Variants in NECAB1 observed in about 807,000 individuals in gnomAD.
NECAB1 encodes the protein N-terminal EF-hand calcium-binding protein 1.
In NECAB1, 29 loss-of-function variants were observed where a neutral mutation model predicts 57.5. The observed-to-expected ratio is 0.50, with a 90% CI of 0.38 to 0.69. The LOEUF (loss-of-function observed/expected upper bound fraction) is 0.69, where lower values mean the gene tolerates loss of function less well. NECAB1 is among the 30% of genes least tolerant of loss of function. The pLI is 0.00. For missense variants in NECAB1, 372 were observed against 413.8 expected, an observed-to-expected ratio of 0.90 and a Z score of 0.88; for synonymous variants, 142 against 147.7, an observed-to-expected ratio of 0.96 and a Z score of 0.28.
At chr8:90,884,011 G>A (rs940823955) in intron 5 of NECAB1, among the ~76,000 whole-genome samples, 2 of 152,100 alleles carry the variant, frequency 1.3e-5, no homozygotes, top group African/African-American at 4.8e-5. Flanking sequence ...TATTAGTAGG[G>A]CTTAAAAGGA....
intron 3 of NECAB1, among the ~76,000 whole-genome samples, chr8:90,847,979 C>T (rs1812600709): frequency 1.3e-5 from 2 of 152,208 alleles, no homozygotes; most frequent in Admixed American, 6.5e-5. Flanking sequence ...ACATTTGGCT[C>T]CTTGTTACTT....
At chr8:90,847,380 G>T (rs1016808056) in intron 3 of NECAB1, among the ~76,000 whole-genome samples, 1 of 152,226 alleles carries the variant, frequency 6.6e-6, no homozygotes, top group African/African-American at 2.4e-5. Context: ...GCAGGGTACA[G>T]CCCCCTCCCA....
At position 90,827,267 on chromosome 8, in the gene NECAB1, T is replaced by C. The variant is rs899962619; in HGVS notation, c.233+2442T>C. Reference sequence around the variant, plus strand: ...CATATCCCTGACCACTCTAATTTAATCAAGAGTACAGCCTGGCCTGAAGGA... The same window carrying C: ...CATATCCCTGACCACTCTAATTTAACCAAGAGTACAGCCTGGCCTGAAGGA... On this transcript the variant is annotated intron_variant, in intron 3 of 12. Coordinates refer to ENST00000417640, the MANE Select transcript of NECAB1 (RefSeq NM_022351.5). Among the ~76,000 whole-genome samples the C allele has an allele frequency of 2.1e-4, 32 of 152,028 alleles. 1 individual carries two copies.
intron 5 of NECAB1, among the ~76,000 whole-genome samples, chr8:90,901,396 C>T (rs974064534): frequency 6.6e-6 from 1 of 152,130 alleles, no homozygotes; most frequent in South Asian, 2.1e-4. Flanking sequence ...AATCAAGAGC[C>T]TTTGACCCTT....
chr8:90,805,077 G>T (rs915006053), intron 2 of NECAB1, among the ~76,000 whole-genome samples: 1 of 152,100 alleles, frequency 6.6e-6, no homozygotes, highest in African/African-American at 2.4e-5. Context: ...TATTTCTATT[G>T]CAGTGGAGTT....
Position 90,949,888 on chromosome 8 carries a change from A to C in NECAB1, c.938+4A>C. ...AGAATAGTAGTGTATGGAATAGGTA[A>C]GTTGTGAGCAAGCCTGATTTTATGT... On this transcript the variant is annotated splice_donor_region_variant and intron_variant, in intron 11 of 12. Transcript: ENST00000417640. 6.3e-7 allele frequency: 1 copy of C among 1,575,062 alleles called. No homozygotes were observed. The highest frequency in any genetic ancestry group is 8.7e-7 in the Non-Finnish European group (1 of 1,152,652).
chr8:90,909,906 T>A (rs1465792505), intron 5 of NECAB1, among the ~76,000 whole-genome samples: 1 of 152,108 alleles, frequency 6.6e-6, no homozygotes, highest in African/African-American at 2.4e-5. Flanking sequence ...TTAGTTTCTA[T>A]CCTTCCTTAG....
intron 1 of NECAB1, among the ~76,000 whole-genome samples, chr8:90,795,366 T>A (rs1329247188): frequency 6.6e-6 from 1 of 152,152 alleles, no homozygotes; most frequent in Non-Finnish European, 1.5e-5. Flanking sequence ...GGAAGGGAAG[T>A]GACTGTTCCC....
intron 3 of NECAB1, among the ~76,000 whole-genome samples, chr8:90,853,936 A>AG (rs35038413): frequency 0.46 from 70,086 of 151,832 alleles, 19,620 homozygotes; most frequent in East Asian, 0.77. Context: ...GGAATTAGGG[A>AG]GAGTAAGGAA....
At chr8:90,934,044 C>T (rs1227979222) in intron 8 of NECAB1, among the ~76,000 whole-genome samples, 1 of 152,120 alleles carries the variant, frequency 6.6e-6, no homozygotes, top group African/African-American at 2.4e-5. Flanking sequence ...TTCCACTTTG[C>T]TCTCTAATGG....
chr8:90,845,836 GT>G (rs1425772916), intron 3 of NECAB1, among the ~76,000 whole-genome samples: 1 of 151,898 alleles, frequency 6.6e-6, no homozygotes, highest in South Asian at 2.1e-4. Flanking sequence ...GTGAGGAATG[GT>G]TTTTGCTTTA....
intron 3 of NECAB1, among the ~76,000 whole-genome samples, chr8:90,827,117 A>G (rs549846029): frequency 6.6e-6 from 1 of 152,042 alleles, no homozygotes; most frequent in African/African-American, 2.4e-5. Context: ...GAAGCAACTG[A>G]TAACTTTTAT....
intron 4 of NECAB1, among the ~76,000 whole-genome samples, chr8:90,874,318 G>T (rs117087068): frequency 6.6e-6 from 1 of 152,000 alleles, no homozygotes; most frequent in African/African-American, 2.4e-5. Context: ...TAATTCTGAG[G>T]CTTTTACTTA....
chr8:90,929,713 G>A (rs989597406), intron 8 of NECAB1, among the ~76,000 whole-genome samples: 3 of 152,170 alleles, frequency 2.0e-5, no homozygotes, highest in Non-Finnish European at 4.4e-5. Context: ...AAAATGTATT[G>A]TCATTAAAGT....
At chr8:90,945,720 T>C (rs943558516) in intron 10 of NECAB1, among the ~76,000 whole-genome samples, 2 of 152,162 alleles carry the variant, frequency 1.3e-5, no homozygotes, top group African/African-American at 4.8e-5. Flanking sequence ...CACCTGTTCC[T>C]GAGCCACATC....
intron 3 of NECAB1, among the ~76,000 whole-genome samples, chr8:90,869,890 T>C (rs181291764): frequency 2.8e-3 from 433 of 152,200 alleles, no homozygotes; most frequent in Non-Finnish European, 3.7e-3. Context: ...AGGAATGATA[T>C]GGTTTGGCTT....
At chr8:90,811,619 C>A (rs994417522) in intron 2 of NECAB1, among the ~76,000 whole-genome samples, 10 of 152,266 alleles carry the variant, frequency 6.6e-5, no homozygotes, top group African/African-American at 2.4e-4. Flanking sequence ...AAAAACCCCC[C>A]AAATGGTAAA....
At chr8:90,945,714 T>G (rs1810790581) in intron 10 of NECAB1, among the ~76,000 whole-genome samples, 1 of 152,194 alleles carries the variant, frequency 6.6e-6, no homozygotes, top group African/African-American at 2.4e-5. Flanking sequence ...TAATCCCACC[T>G]GTTCCTGAGC....
At chr8:90,896,474 G>T (rs1252616098) in intron 5 of NECAB1, among the ~76,000 whole-genome samples, 1 of 151,852 alleles carries the variant, frequency 6.6e-6, no homozygotes, top group Non-Finnish European at 1.5e-5. Context: ...GCGTGGTGGC[G>T]GGTGCCTGTA....
Sources: allele counts gnomAD v4.1 joint callset (sites outside exome capture counted in the v4.1 genomes callset), GRCh38; gene constraint gnomAD v4.1.1; transcripts MANE v1.5; gene names NCBI Gene and HGNC (gene_info 2026-07-23, HGNC 2026-07-21).